The following DPYD variants were observed in gnomAD, a reference collection of about 807,000 sequenced individuals.
DPYD encodes the protein dihydropyrimidine dehydrogenase [NADP(+)].
DPYD carries 109 observed loss-of-function variants against 116.2 expected under a neutral mutation model. The observed-to-expected ratio is 0.94, with a 90% CI of 0.80 to 1.10. DPYD has a LOEUF of 1.10. Among genes scored for constraint, DPYD ranks in the 50% least tolerant of loss-of-function variants. DPYD has a pLI of 0.00. For synonymous variants in DPYD, 440 were observed against 432.0 expected (o/e 1.02, Z -0.23); for missense variants, 1,302 against 1,254.5 (o/e 1.04, Z -0.57).
intron 20 of DPYD, among the ~76,000 whole-genome samples, chr1:97,102,480 T>TATCTATCTATC (rs1435197413): frequency 1.9e-4 from 16 of 83,522 alleles, no homozygotes; most frequent in Non-Finnish European, 2.5e-4. Context: ...TCTATCTATC[T>TATCTATCTATC]ATCTATCTAT....
At chr1:97,743,307 A>G (rs1027390019) in intron 3 of DPYD, among the ~76,000 whole-genome samples, 1 of 152,102 alleles carries the variant, frequency 6.6e-6, no homozygotes, top group East Asian at 1.9e-4. Flanking sequence ...TAATAATACC[A>G]TCTTGCAATT....
intron 8 of DPYD, among the ~76,000 whole-genome samples, chr1:97,627,692 C>T (rs144558519): frequency 6.6e-6 from 1 of 152,096 alleles, no homozygotes; most frequent in African/African-American, 2.4e-5. Flanking sequence ...GAAAATACTG[C>T]TCTAAATAAC....
chr1:97,405,688 G>A (rs1009105940), intron 14 of DPYD, among the ~76,000 whole-genome samples: 2 of 151,864 alleles, frequency 1.3e-5, no homozygotes, highest in Admixed American at 1.3e-4. Flanking sequence ...GCTAATTTTT[G>A]TATTTTTAGT....
At chr1:97,571,611 A>C (rs1156939025) in intron 11 of DPYD, among the ~76,000 whole-genome samples, 1 of 151,962 alleles carries the variant, frequency 6.6e-6, no homozygotes, top group Non-Finnish European at 1.5e-5. Context: ...AACAGGTATC[A>C]CATATGTGAT....
chr1:97,617,701 G>A (rs1436626935), intron 8 of DPYD, among the ~76,000 whole-genome samples: 1 of 152,084 alleles, frequency 6.6e-6, no homozygotes, highest in East Asian at 1.9e-4. Context: ...GCATACCTGG[G>A]AAACAAGACT....
At chr1:97,527,480 G>A (rs772626532) in intron 12 of DPYD, among the ~76,000 whole-genome samples, 14 of 152,124 alleles carry the variant, frequency 9.2e-5, no homozygotes, top group Non-Finnish European at 1.9e-4. Context: ...TGAACACACA[G>A]AGTACATATA....
intron 18 of DPYD, among the ~76,000 whole-genome samples, chr1:97,262,995 G>A (rs992315137): frequency 1.3e-5 from 2 of 151,990 alleles, no homozygotes; most frequent in African/African-American, 4.8e-5. Context: ...TCTCAGTGTT[G>A]GGTTATAGTG....
At chr1:97,899,850 A>T (rs1281265096) in intron 1 of DPYD, among the ~76,000 whole-genome samples, 2 of 151,882 alleles carry the variant, frequency 1.3e-5, no homozygotes, top group African/African-American at 4.8e-5. Flanking sequence ...CAGCTGCATC[A>T]GAATATCTCA....
intron 8 of DPYD, among the ~76,000 whole-genome samples, chr1:97,652,303 C>T (rs1658633182): frequency 6.6e-6 from 1 of 152,138 alleles, no homozygotes; most frequent in Non-Finnish European, 1.5e-5. Flanking sequence ...CCTATAAGAA[C>T]ATAAAGCTAA....
In DPYD at chr1:97,305,330, C is replaced by A; in HGVS notation, c.2228G>T (p.Gly743Val). The change falls in exon 18 of 23, where the codon GGA becomes GTA. Residue 743 changes from glycine (G) to valine (V), a missense_variant. Physicochemically the swap from Gly to Val is moderately radical, Grantham distance 109. Coordinates refer to ENST00000370192, the MANE Select transcript of DPYD (RefSeq NM_000110.4). ...CCAAGGTGTGCCATCAGATTTTAAT[C>A]CCATCAGACCTGAGACAGTGTTGGT... ...TATNTVSGLMGLKSDGTPWPA... is the reference protein window; with the variant it reads ...TATNTVSGLMVLKSDGTPWPA... 1.2e-6 allele frequency: 2 copies of A among 1,612,490 alleles called. No individual in the cohort carries two copies. The highest frequency in any genetic ancestry group is 1.7e-6 in the Non-Finnish European group (2 of 1,178,954).
chr1:97,843,141 A>G (rs1357000040), intron 2 of DPYD, among the ~76,000 whole-genome samples: 1 of 152,020 alleles, frequency 6.6e-6, no homozygotes, highest in Admixed American at 6.5e-5. Context: ...ATTTATACAG[A>G]CGCCTATCTC....
intron 16 of DPYD, among the ~76,000 whole-genome samples, chr1:97,309,990 T>C (rs573101996): frequency 1.3e-5 from 2 of 151,842 alleles, no homozygotes; most frequent in African/African-American, 2.4e-5. Context: ...ACTGGTTTCA[T>C]GTCCTCTGCA....
chr1:97,513,243 A>T (rs1647944311), intron 13 of DPYD, among the ~76,000 whole-genome samples: 1 of 151,710 alleles, frequency 6.6e-6, no homozygotes, highest in African/African-American at 2.4e-5. Flanking sequence ...AAATAAAAAA[A>T]GGGAAACAAA....
chr1:97,528,636 T>G (rs1432193915), intron 12 of DPYD, among the ~76,000 whole-genome samples: 1 of 152,130 alleles, frequency 6.6e-6, no homozygotes, highest in Non-Finnish European at 1.5e-5. Context: ...TTTCCCCCAT[T>G]TACTTTATGA....
rs115713805 is a variant in DPYD, at chr1:97,258,521, T to C, written c.2300-23527A>G. On this transcript the variant is annotated intron_variant, in intron 18 of 22. Transcript: ENST00000370192. The stretch of plus-strand genomic sequence containing the variant: ...TGCTTAAGTTGACTTTTGCTCCTTC[T>C]TTGTCTCATATTTCCTCCTCCCTGA... Among the ~76,000 whole-genome samples, 590 of 152,300 alleles carry C rather than the reference T, an allele frequency of 3.9e-3. 1 individual carries two copies. The highest frequency in any genetic ancestry group is 7.0e-3 in the Non-Finnish European group (477 of 68,024).
chr1:97,828,309 T>C, intron 2 of DPYD, 113 bp from the exon 3 acceptor site: 1 of 877,564 alleles, frequency 1.1e-6, no homozygotes, highest in African/African-American at 1.7e-5. Flanking sequence ...ATGAAAAATA[T>C]GCATACCACT....
chr1:97,581,087 C>T (rs1653629735), intron 10 of DPYD, among the ~76,000 whole-genome samples: 1 of 151,872 alleles, frequency 6.6e-6, no homozygotes, highest in Admixed American at 6.6e-5. Context: ...AGGCAGATCA[C>T]GAGGTCTGGA....
At chr1:97,122,012 G>A (rs1198636659) in intron 20 of DPYD, among the ~76,000 whole-genome samples, 1 of 152,030 alleles carries the variant, frequency 6.6e-6, no homozygotes, top group Non-Finnish European at 1.5e-5. Context: ...AATCAAGGAG[G>A]GTTTGTCCAA....
intron 16 of DPYD, among the ~76,000 whole-genome samples, chr1:97,372,733 A>G (rs1455411378): frequency 6.6e-6 from 1 of 152,024 alleles, no homozygotes; most frequent in East Asian, 1.9e-4. Context: ...AATCAATTTG[A>G]TGACTTGAGA....
Sources: allele counts gnomAD v4.1 joint callset (sites outside exome capture counted in the v4.1 genomes callset), GRCh38; gene constraint gnomAD v4.1.1; transcripts MANE v1.5; gene names NCBI Gene and HGNC (gene_info 2026-07-23, HGNC 2026-07-21).